The following USH2A variants were observed in gnomAD, a reference collection of about 807,000 sequenced individuals.
USH2A encodes the protein Usher syndrome 2A (autosomal recessive, mild).
A neutral mutation model predicts 538.9 loss-of-function variants in USH2A; 443 were observed. That is an observed-to-expected ratio of 0.82 (90% CI 0.76 to 0.89). The LOEUF (loss-of-function observed/expected upper bound fraction) is 0.89. Among genes scored for constraint, USH2A ranks in the 40% least tolerant of loss-of-function variants. The pLI, the probability that USH2A is intolerant of heterozygous loss-of-function variation, is 0.00. For missense variants in USH2A, 6,633 were observed against 6,324.8 expected (o/e 1.05, Z -1.65); for synonymous variants, 2,413 against 2,273.5 (o/e 1.06, Z -1.75).
At chr1:215,985,067 G>T (rs1184763426) in intron 35 of USH2A, among the ~76,000 whole-genome samples, 1 of 152,156 alleles carries the variant, frequency 6.6e-6, no homozygotes, top group Non-Finnish European at 1.5e-5. Context: ...CGCAAGGTTT[G>T]CTCAAAACTG....
At chr1:215,655,224 G>C (rs1657203581) in intron 64 of USH2A, among the ~76,000 whole-genome samples, 3 of 152,128 alleles carry the variant, frequency 2.0e-5, no homozygotes, top group Non-Finnish European at 2.9e-5. Context: ...TATAGGCACT[G>C]TACATTTTCA....
intron 21 of USH2A, among the ~76,000 whole-genome samples, chr1:216,107,484 A>T (rs1411526331): frequency 6.6e-6 from 1 of 151,616 alleles, no homozygotes; most frequent in South Asian, 2.1e-4. Flanking sequence ...CCATCCTTTT[A>T]CTTTTAAGCT....
At chr1:215,664,634 G>A (rs1443888804) in intron 64 of USH2A, among the ~76,000 whole-genome samples, 1 of 152,198 alleles carries the variant, frequency 6.6e-6, no homozygotes, top group Non-Finnish European at 1.5e-5. Flanking sequence ...TTATAGATGA[G>A]TGCTATGAAC....
chr1:215,790,905 A>C (rs1359627591), intron 50 of USH2A, among the ~76,000 whole-genome samples: 1 of 152,170 alleles, frequency 6.6e-6, no homozygotes. Context: ...AGGTGCACTA[A>C]TCAGCCACTA....
intron 58 of USH2A, 51 bp from the exon 59 acceptor site, chr1:215,743,386 A>ATATATGTGTG (rs878870284): frequency 8.8e-5 from 29 of 328,542 alleles, no homozygotes; most frequent in East Asian, 7.3e-4. Context: ...ATATATATAT[A>ATATATGTGTG]TGTGTGTGTG....
At chr1:216,111,439 C>G (rs765379023) in intron 21 of USH2A, among the ~76,000 whole-genome samples, 12 of 152,028 alleles carry the variant, frequency 7.9e-5, no homozygotes, top group Non-Finnish European at 2.9e-5. Flanking sequence ...TTATGACAGA[C>G]AACACATTCT....
intron 21 of USH2A, among the ~76,000 whole-genome samples, chr1:216,141,341 C>T (rs2033598765): frequency 6.6e-6 from 1 of 152,188 alleles, no homozygotes; most frequent in Non-Finnish European, 1.5e-5. Flanking sequence ...CTGCCAGGTG[C>T]TGTGGGCTCC....
intron 44 of USH2A, among the ~76,000 whole-genome samples, chr1:215,865,385 G>C (rs1195356365): frequency 6.6e-6 from 1 of 152,106 alleles, no homozygotes; most frequent in Non-Finnish European, 1.5e-5. Context: ...GATCTATTAG[G>C]TTTGTCAGTT....
At chr1:216,127,601 C>T (rs2033282055) in intron 21 of USH2A, among the ~76,000 whole-genome samples, 1 of 152,118 alleles carries the variant, frequency 6.6e-6, no homozygotes, top group Non-Finnish European at 1.5e-5. Flanking sequence ...ATCTGTGCTG[C>T]ATGCCATTTA....
chr1:215,958,710 A>T (rs1369741362), intron 37 of USH2A, among the ~76,000 whole-genome samples: 1 of 151,938 alleles, frequency 6.6e-6, no homozygotes, highest in Non-Finnish European at 1.5e-5. Context: ...GCCCCTCCTG[A>T]TCCCCACAAT....
chr1:215,656,013 C>G (rs951428982), intron 64 of USH2A, among the ~76,000 whole-genome samples: 2 of 152,124 alleles, frequency 1.3e-5, no homozygotes. Context: ...GGATTATAGG[C>G]GTAAGCCACC....
chr1:215,876,636 C>G (rs1423119947), intron 43 of USH2A, among the ~76,000 whole-genome samples: 3 of 152,120 alleles, frequency 2.0e-5, no homozygotes, highest in African/African-American at 7.2e-5. Flanking sequence ...GGCCAGTACA[C>G]TACAATGACA....
chr1:216,296,918 T>A (rs1244600613), intron 9 of USH2A, among the ~76,000 whole-genome samples: 1 of 152,038 alleles, frequency 6.6e-6, no homozygotes, highest in African/African-American at 2.4e-5. Flanking sequence ...AGTTCTATTA[T>A]TGGTGCTGCT....
chr1:216,375,270 A>G (rs56674644), intron 3 of USH2A, among the ~76,000 whole-genome samples: 15,242 of 152,200 alleles, frequency 0.1, 2,220 homozygotes, highest in African/African-American at 0.32. Context: ...CCTAGGTGGC[A>G]TCTTCTTCCA....
intron 47 of USH2A, among the ~76,000 whole-genome samples, chr1:215,828,282 A>G (rs1337349468): frequency 6.6e-6 from 1 of 151,968 alleles, no homozygotes; most frequent in Non-Finnish European, 1.5e-5. Flanking sequence ...TGAGACCCCA[A>G]CTCTACAAAA....
rs188743117 is a variant in USH2A, at chr1:216,213,889, G to A, written c.3157+3498C>T. On this transcript the variant is annotated intron_variant, in intron 15 of 71. Coordinates refer to ENST00000307340, the MANE Select transcript of USH2A (RefSeq NM_206933.4). ...GTAAGAGGACTAACAACTAAAACAC[G>A]GGCAAAATATTTCAAAGATACTTTG... Among the ~76,000 whole-genome samples, 209 of 151,988 alleles carry A rather than the reference G, an allele frequency of 1.4e-3. 1 individual carries two copies. The highest frequency in any genetic ancestry group is 4.7e-3 in the African/African-American group (197 of 41,494).
chr1:215,652,128 T>G (rs1348530299), intron 64 of USH2A, among the ~76,000 whole-genome samples: 1 of 152,246 alleles, frequency 6.6e-6, no homozygotes, highest in African/African-American at 2.4e-5. Context: ...TGTCAGCTTA[T>G]TTAGTCCTTC....
intron 38 of USH2A, among the ~76,000 whole-genome samples, chr1:215,907,241 A>G (rs761108736): frequency 2.0e-5 from 3 of 151,944 alleles, no homozygotes; most frequent in Non-Finnish European, 4.4e-5. Context: ...AACTGGGACT[A>G]TCTTGGGCAA....
Position 216,120,020 on chromosome 1 carries a change from C to T in USH2A, c.4628-22807G>A, listed in dbSNP as rs534336936. Among the ~76,000 whole-genome samples, 20 of 151,858 alleles carry T rather than the reference C, an allele frequency of 1.3e-4. No individual in the cohort carries two copies. In the South Asian group the frequency reaches 3.3e-3, roughly 25 times the overall value. ...TATTGAAAAAGAATAAAATCATAAA[C>T]ATTTTTCTAATGTGGATTTAGAATA... On this transcript the variant is annotated intron_variant, in intron 21 of 71. Coordinates refer to ENST00000307340, the MANE Select transcript of USH2A (RefSeq NM_206933.4).
Sources: gnomAD v4.1 joint callset for allele counts (sites outside exome capture counted in the v4.1 genomes callset) on GRCh38, gnomAD v4.1.1 for gene constraint, MANE v1.5 for transcripts, NCBI Gene and HGNC (gene_info 2026-07-23, HGNC 2026-07-21) for gene names.